The following LYPD6 variants were observed in gnomAD, a reference collection of about 807,000 sequenced individuals.
LYPD6 encodes ly6/PLAUR domain-containing protein 6.
Under a neutral mutation model 22.7 loss-of-function variants are expected in LYPD6, and 15 were observed. That is an observed-to-expected ratio of 0.66 (90% CI 0.44 to 1.02). The LOEUF is 1.02. LYPD6 is among the 50% of genes least tolerant of loss of function. The probability of loss-of-function intolerance (pLI) is 0.00; values close to 1 mark genes in which losing one functional copy is unlikely to be tolerated. For synonymous variants in LYPD6, 72 were observed against 77.5 expected (o/e 0.93, Z 0.37); for missense variants, 189 against 208.4 (o/e 0.91, Z 0.57).
chr2:149,455,741 A>T (rs914989857), intron 3 of LYPD6, among the ~76,000 whole-genome samples: 2 of 152,176 alleles, frequency 1.3e-5, no homozygotes, highest in Non-Finnish European at 2.9e-5. Context: ...ACCACTGTTC[A>T]CCATAAAGTC....
chr2:149,373,914 G>A (rs984360655), intron 1 of LYPD6, among the ~76,000 whole-genome samples: 4 of 152,164 alleles, frequency 2.6e-5, no homozygotes, highest in African/African-American at 9.7e-5. Context: ...AAGATAGAAA[G>A]TTGCTGTGGG....
Position 149,471,021 on chromosome 2 carries a change from A to G in LYPD6, c.*171A>G. ...TGAGGAATAAATGTTGCTTCATTGT[A>G]GCCATTTTGAGTCTAACCGAGACTC... On this transcript the variant is annotated 3_prime_UTR_variant, in exon 5 of 5. Coordinates refer to ENST00000334166, the MANE Select transcript of LYPD6 (RefSeq NM_194317.5). 1 of 561,846 alleles carries G rather than the reference A, an allele frequency of 1.8e-6. No individual in the cohort carries two copies. The highest frequency in any genetic ancestry group is 3.1e-6 in the Non-Finnish European group (1 of 323,314). 34.8% of individuals were successfully genotyped at this position (561,846 alleles called of 1,614,324 possible).
intron 1 of LYPD6, among the ~76,000 whole-genome samples, chr2:149,362,917 C>T (rs56045418): frequency 4.0e-4 from 61 of 152,212 alleles, no homozygotes; most frequent in African/African-American, 1.3e-3. Flanking sequence ...TCATCTTTAG[C>T]GACAAGGATG....
chr2:149,454,276 C>A (rs1024592348), intron 3 of LYPD6, among the ~76,000 whole-genome samples: 4 of 152,122 alleles, frequency 2.6e-5, no homozygotes, highest in African/African-American at 2.4e-5. Flanking sequence ...AATAGAACCC[C>A]AGAGGCTGCT....
upstream of LYPD6, chr2:149,330,147 T>C (rs994869695): frequency 3.3e-5 from 5 of 152,074 alleles, no homozygotes; most frequent in African/African-American, 9.7e-5. Flanking sequence ...ACGCAGCTGC[T>C]GGCCCGGCTG....
intron 1 of LYPD6, among the ~76,000 whole-genome samples, chr2:149,431,227 G>A (rs952106425): frequency 7.2e-5 from 11 of 152,176 alleles, no homozygotes; most frequent in African/African-American, 1.9e-4. Context: ...TCAGGGACAC[G>A]ATCTGCAGTG....
At chr2:149,384,834 T>A (rs1682145756) in intron 1 of LYPD6, among the ~76,000 whole-genome samples, 3 of 151,876 alleles carry the variant, frequency 2.0e-5, no homozygotes, top group Admixed American at 6.6e-5. Context: ...ACCCATTAAC[T>A]CGTCATTTAG....
intron 1 of LYPD6, among the ~76,000 whole-genome samples, chr2:149,408,252 T>A (rs535622521): frequency 1.3e-5 from 2 of 152,190 alleles, no homozygotes; most frequent in Non-Finnish European, 2.9e-5. Context: ...GGAGAACCAC[T>A]GTTCTCCTCA....
chr2:149,407,398 A>G (rs1198150229), intron 1 of LYPD6, among the ~76,000 whole-genome samples: 1 of 152,172 alleles, frequency 6.6e-6, no homozygotes, highest in African/African-American at 2.4e-5. Flanking sequence ...GTCTTTTCAC[A>G]TAGTCGCATA....
chr2:149,412,766 T>A (rs1461818055), intron 1 of LYPD6, among the ~76,000 whole-genome samples: 2 of 152,216 alleles, frequency 1.3e-5, no homozygotes, highest in Non-Finnish European at 2.9e-5. Context: ...AAAGTATATG[T>A]AAAAAGTAAT....
chr2:149,442,788 A>T (rs960122660), intron 2 of LYPD6, among the ~76,000 whole-genome samples: 1 of 152,200 alleles, frequency 6.6e-6, no homozygotes, highest in African/African-American at 2.4e-5. Flanking sequence ...TACCTTAATT[A>T]TCCACTGAAA....
intron 3 of LYPD6, among the ~76,000 whole-genome samples, chr2:149,461,751 C>T (rs570558440): frequency 6.6e-6 from 1 of 152,008 alleles, no homozygotes; most frequent in African/African-American, 2.4e-5. Flanking sequence ...GGTTTAATCT[C>T]TGAAAATCAA....
chr2:149,360,948 A>G (rs372114070), intron 1 of LYPD6, among the ~76,000 whole-genome samples: 2 of 152,144 alleles, frequency 1.3e-5, no homozygotes, highest in East Asian at 3.9e-4. Context: ...TTGAGCACAC[A>G]TCAGTGCTCA....
At chr2:149,476,497 C>CA (rs1257837887), downstream of LYPD6, among the ~76,000 whole-genome samples, 1 of 152,100 alleles carries the variant, frequency 6.6e-6, no homozygotes, top group East Asian at 1.9e-4. Context: ...TCTCTATGCT[C>CA]AGAGTTCAGG....
At chr2:149,480,924 G>C in the LYPD6 span, among the ~76,000 whole-genome samples, 1 of 152,190 alleles carries the variant, frequency 6.6e-6, no homozygotes. Context: ...CCCATCTTCA[G>C]AGCTCACGTG....
chr2:149,391,600 A>T (rs1339613576), intron 1 of LYPD6, among the ~76,000 whole-genome samples: 2 of 152,054 alleles, frequency 1.3e-5, no homozygotes, highest in Non-Finnish European at 2.9e-5. Flanking sequence ...TGCCTTCCAT[A>T]TACATTATTT....
intron 1 of LYPD6, among the ~76,000 whole-genome samples, chr2:149,381,363 A>G (rs1423614733): frequency 6.6e-6 from 1 of 152,088 alleles, no homozygotes; most frequent in Non-Finnish European, 1.5e-5. Flanking sequence ...TGGGTTGCTG[A>G]GTAGGGAGGA....
chr2:149,389,105 A>C (rs926468835), intron 1 of LYPD6, among the ~76,000 whole-genome samples: 2 of 152,218 alleles, frequency 1.3e-5, no homozygotes, highest in Non-Finnish European at 2.9e-5. Context: ...AGAAGGTTAA[A>C]AAAAACCCCT....
chr2:149,399,948 G>A (rs901964400), intron 1 of LYPD6, among the ~76,000 whole-genome samples: 12 of 152,164 alleles, frequency 7.9e-5, no homozygotes, highest in Non-Finnish European at 1.8e-4. Context: ...GAAAAACACA[G>A]CATTGGCAAA....
Sources: gnomAD v4.1 joint callset for allele counts (sites outside exome capture counted in the v4.1 genomes callset) on GRCh38, gnomAD v4.1.1 for gene constraint, MANE v1.5 for transcripts, NCBI Gene and HGNC (gene_info 2026-07-23, HGNC 2026-07-21) for gene names.